GRIK4: variants seen among roughly 807,000 people sequenced by gnomAD.
The protein encoded by GRIK4 is glutamate ionotropic receptor kainate type subunit 4, also known as glutamate receptor ionotropic, kainate 4.
Under a neutral mutation model 104.9 loss-of-function variants are expected in GRIK4, and 40 were observed. The ratio of observed to expected loss-of-function variants is 0.38; its 90% CI spans 0.30 to 0.50. The LOEUF (loss-of-function observed/expected upper bound fraction) is 0.50. Ranked by LOEUF, GRIK4 falls within the 20% of genes least tolerant of loss-of-function variation. The pLI, the probability that GRIK4 is intolerant of heterozygous loss-of-function variation, is 0.93. For synonymous variants in GRIK4, 485 were observed against 524.9 expected, an observed-to-expected ratio of 0.92 and a Z score of 1.04; for missense variants, 1,047 against 1,308.1, an observed-to-expected ratio of 0.80 and a Z score of 3.08.
intron 1 of GRIK4, among the ~76,000 whole-genome samples, chr11:120,586,500 T>G (rs1948665886): frequency 6.6e-6 from 1 of 151,924 alleles, no homozygotes; most frequent in African/African-American, 2.4e-5. Context: ...TGTAAGGGAG[T>G]GCCTATTGCT....
chr11:120,974,132 T>C (rs924560066), intron 19 of GRIK4, among the ~76,000 whole-genome samples: 3 of 152,166 alleles, frequency 2.0e-5, no homozygotes, highest in Non-Finnish European at 2.9e-5. Context: ...GGTCTCGAAC[T>C]CCTGACCTCA....
At chr11:120,676,204 T>C (rs1565288936) in intron 3 of GRIK4, among the ~76,000 whole-genome samples, 1 of 152,186 alleles carries the variant, frequency 6.6e-6, no homozygotes, top group Non-Finnish European at 1.5e-5. Flanking sequence ...TGAGTCATTC[T>C]CGCCTCACAA....
At chr11:120,725,420 A>G (rs1313509953) in intron 3 of GRIK4, among the ~76,000 whole-genome samples, 4 of 152,214 alleles carry the variant, frequency 2.6e-5, no homozygotes, top group Non-Finnish European at 5.9e-5. Flanking sequence ...AGTGTTGCCA[A>G]GGAAGAAGGC....
chr11:120,714,377 T>C (rs1487991165), intron 3 of GRIK4, among the ~76,000 whole-genome samples: 1 of 152,230 alleles, frequency 6.6e-6, no homozygotes, highest in Non-Finnish European at 1.5e-5. Context: ...CTTCCCTTTC[T>C]TAATCCACTC....
At chr11:120,529,603 G>A (rs1215288814) in intron 1 of GRIK4, among the ~76,000 whole-genome samples, 3 of 152,232 alleles carry the variant, frequency 2.0e-5, no homozygotes, top group African/African-American at 7.2e-5. Flanking sequence ...GAGTGGTGGG[G>A]GAAGTGGGAA....
At chr11:120,686,684 G>A (rs78813250) in intron 3 of GRIK4, among the ~76,000 whole-genome samples, 3 of 152,184 alleles carry the variant, frequency 2.0e-5, no homozygotes, top group South Asian at 2.1e-4. Flanking sequence ...CGTTATTGCC[G>A]TTGGCTTTGG....
At chr11:120,888,761 C>T (rs1955190558) in intron 11 of GRIK4, among the ~76,000 whole-genome samples, 1 of 152,150 alleles carries the variant, frequency 6.6e-6, no homozygotes, top group South Asian at 2.1e-4. Flanking sequence ...GCTTGTGAAA[C>T]AAGGTACCCC....
intron 19 of GRIK4, among the ~76,000 whole-genome samples, chr11:120,968,733 G>T (rs912069457): frequency 3.9e-5 from 6 of 152,226 alleles, no homozygotes; most frequent in African/African-American, 1.4e-4. Flanking sequence ...TGGACACAGG[G>T]CATGGGCAGA....
intron 1 of GRIK4, among the ~76,000 whole-genome samples, chr11:120,613,636 A>T (rs1949067000): frequency 6.6e-6 from 1 of 152,218 alleles, no homozygotes; most frequent in African/African-American, 2.4e-5. Flanking sequence ...CATGCCTCAG[A>T]TGGAGCTTGG....
At chr11:120,885,489 G>A (rs557586262) in intron 11 of GRIK4, among the ~76,000 whole-genome samples, 4 of 152,028 alleles carry the variant, frequency 2.6e-5, no homozygotes, top group East Asian at 3.9e-4. Flanking sequence ...GGGTTCAAGC[G>A]ATTCTCTTGT....
Position 120,966,377 on chromosome 11 carries a change from T to A in GRIK4, c.2267-818T>A, listed in dbSNP as rs78117522. Among the ~76,000 whole-genome samples the A allele has an allele frequency of 9.8e-3, 1,496 of 152,270 alleles. 27 individuals carry two copies. Among genetic ancestry groups the A allele is most frequent in the East Asian group, 0.036 (184 of 5,182 alleles). On this transcript the variant is annotated intron_variant, in intron 18 of 20. Coordinates refer to ENST00000527524, the MANE Select transcript of GRIK4 (RefSeq NM_014619.5). ...CAAGTGCCTAAGAAATTAATTAATT[T>A]ATTTATTTTTGAAACGGAGTCCTCA...
intron 5 of GRIK4, 50 bp downstream of exon 5, chr11:120,815,525 C>A: frequency 2.6e-6 from 3 of 1,139,806 alleles, no homozygotes; most frequent in South Asian, 3.0e-5. Flanking sequence ...AGCCTGTGCC[C>A]AGGGTCCAAA....
intron 2 of GRIK4, among the ~76,000 whole-genome samples, chr11:120,657,957 AG>A (rs1372253905): frequency 2.0e-5 from 3 of 152,226 alleles, no homozygotes; most frequent in Non-Finnish European, 4.4e-5. Context: ...AGCACTGGGG[AG>A]TCCCCTCGTG....
intron 11 of GRIK4, among the ~76,000 whole-genome samples, chr11:120,877,009 G>A (rs917335027): frequency 3.3e-5 from 5 of 152,168 alleles, no homozygotes; most frequent in East Asian, 1.9e-4. Flanking sequence ...CTAGGAGATC[G>A]TAATTATGCT....
intron 8 of GRIK4, among the ~76,000 whole-genome samples, chr11:120,846,548 C>A (rs1419353812): frequency 6.6e-6 from 1 of 152,126 alleles, no homozygotes; most frequent in Non-Finnish European, 1.5e-5. Context: ...TCCTTTTGTG[C>A]CTGGAGCAGG....
chr11:120,871,588 A>G, intron 9 of GRIK4: 1 of 456,376 alleles, frequency 2.2e-6, no homozygotes. Flanking sequence ...TTCGGGTTCC[A>G]GGAGGCTCTG....
intron 3 of GRIK4, among the ~76,000 whole-genome samples, chr11:120,796,644 A>G (rs371251977): frequency 3.0e-4 from 45 of 152,208 alleles, no homozygotes; most frequent in African/African-American, 9.6e-4. Context: ...AAAGGCATGG[A>G]GGAGAGTTAA....
At chr11:120,893,075 A>G (rs1352703286) in intron 11 of GRIK4, among the ~76,000 whole-genome samples, 3 of 152,250 alleles carry the variant, frequency 2.0e-5, no homozygotes, top group East Asian at 3.8e-4. Context: ...ATCAAGGCAC[A>G]GTGTAATAAC....
intron 19 of GRIK4, among the ~76,000 whole-genome samples, chr11:120,974,155 C>A (rs1352847830): frequency 6.6e-6 from 1 of 152,038 alleles, no homozygotes. Context: ...TGATCTGCCC[C>A]CCTTGGCCTC....
Sources: allele counts gnomAD v4.1 joint callset (sites outside exome capture counted in the v4.1 genomes callset), GRCh38; gene constraint gnomAD v4.1.1; transcripts MANE v1.5; gene names NCBI Gene and HGNC (gene_info 2026-07-23, HGNC 2026-07-21).